The following ARHGAP6 variants were observed in gnomAD, a reference collection of about 807,000 sequenced individuals.
The protein encoded by ARHGAP6 is Rho GTPase activating protein 6.
A neutral mutation model predicts 55.7 loss-of-function variants in ARHGAP6; 16 were observed. The ratio of observed to expected loss-of-function variants is 0.29; its 90% confidence interval spans 0.19 to 0.44. The LOEUF is 0.44. Ranked by LOEUF, ARHGAP6 falls within the 20% of genes least tolerant of loss-of-function variation. The pLI is 1.00. For synonymous variants in ARHGAP6, 382 were observed against 360.9 expected (o/e 1.06, Z -0.66); for missense variants, 698 against 808.9 (o/e 0.86, Z 1.66).
intron 1 of ARHGAP6, among the ~76,000 whole-genome samples, chrX:11,492,181 G>T (rs933401394): frequency 4.8e-4 from 52 of 108,090 alleles, no homozygotes; most frequent in Non-Finnish European, 8.8e-4. Flanking sequence ...TCTGATGGTA[G>T]TTTCTTTTGC....
chrX:11,522,201 C>G (rs770825462), intron 1 of ARHGAP6, among the ~76,000 whole-genome samples: 2 of 111,254 alleles, frequency 1.8e-5, no homozygotes, highest in Non-Finnish European at 3.8e-5. Flanking sequence ...AACAAAGACA[C>G]AACATAGCGG....
chrX:11,575,825 T>C (rs889816937), intron 1 of ARHGAP6, among the ~76,000 whole-genome samples: 44 of 112,107 alleles, frequency 3.9e-4, no homozygotes, highest in African/African-American at 1.3e-3. Flanking sequence ...GAGAAAGAGC[T>C]TGGGACATTA....
intron 1 of ARHGAP6, among the ~76,000 whole-genome samples, chrX:11,400,501 C>T (rs1025982155): frequency 1.9e-5 from 2 of 107,154 alleles, no homozygotes; most frequent in Non-Finnish European, 3.9e-5. Flanking sequence ...CGTGCCCCCC[C>T]GCACCCCGTC....
chrX:11,138,998 G>A lies in ARHGAP6; in HGVS notation c.2790C>T (p.Asn930=), dbSNP rs928122933. 6 of 1,206,533 alleles carry A rather than the reference G, an allele frequency of 5.0e-6. No individual in the cohort carries two copies. Among genetic ancestry groups the A allele is most frequent in the Non-Finnish European group, 6.7e-6 (6 of 894,034 alleles). ...TGTCCTGCTCGCCCGCTGGCAGGGA[G>A]TTGGCGCTGCTCAGTTTTTTCTGCG... ...QVTQKKLSSA[N]SLPAGEQDSP... Residue 930 remains asparagine, a synonymous_variant, in exon 13 of 13, where the codon AAC becomes AAT. Coordinates refer to ENST00000337414, the MANE Select transcript of ARHGAP6 (RefSeq NM_013427.3).
At chrX:11,341,022 G>A (rs2048698974) in intron 1 of ARHGAP6, among the ~76,000 whole-genome samples, 1 of 98,074 alleles carries the variant, frequency 1.0e-5, no homozygotes, top group Non-Finnish European at 2.0e-5. Flanking sequence ...GTGAAAAGAG[G>A]GGTTGACTAC....
chrX:11,396,388 C>G (rs934153383), intron 1 of ARHGAP6, among the ~76,000 whole-genome samples: 7 of 111,077 alleles, frequency 6.3e-5, no homozygotes, highest in African/African-American at 2.3e-4. Context: ...CTTCTTACAC[C>G]CAGAAGCATC....
intron 1 of ARHGAP6, among the ~76,000 whole-genome samples, chrX:11,548,937 T>C (rs1273763107): frequency 8.9e-6 from 1 of 112,309 alleles, no homozygotes; most frequent in Non-Finnish European, 1.9e-5. Context: ...TGTGTATATG[T>C]ACTATATATG....
chrX:11,208,018 T>C (rs1314647141), intron 2 of ARHGAP6, among the ~76,000 whole-genome samples: 1 of 112,012 alleles, frequency 8.9e-6, no homozygotes, highest in East Asian at 2.8e-4. Context: ...AAAGGGGCTT[T>C]GATTTCCAAT....
At chrX:11,621,294 C>T (rs1028942604) in intron 1 of ARHGAP6, among the ~76,000 whole-genome samples, 1 of 111,553 alleles carries the variant, frequency 9.0e-6, no homozygotes, top group Non-Finnish European at 1.9e-5. Context: ...ATATCAATAT[C>T]CAGAATATGA....
chrX:11,252,664 G>T (rs1004587124), intron 2 of ARHGAP6, among the ~76,000 whole-genome samples: 12 of 112,589 alleles, frequency 1.1e-4, no homozygotes, highest in Non-Finnish European at 1.9e-5. Context: ...TGTGGTTGTG[G>T]TAGTGAACAA....
At chrX:11,516,885 CTG>C (rs1286261295) in intron 1 of ARHGAP6, among the ~76,000 whole-genome samples, 2 of 111,762 alleles carry the variant, frequency 1.8e-5, no homozygotes, top group African/African-American at 3.3e-5. Context: ...TCCTCCAAAA[CTG>C]TAAATGTAGG....
chrX:11,306,978 A>G (rs767905326), intron 1 of ARHGAP6, among the ~76,000 whole-genome samples: 29 of 111,882 alleles, frequency 2.6e-4, no homozygotes, highest in African/African-American at 9.4e-4. Flanking sequence ...CAACATTGCC[A>G]TGGCAACCAG....
chrX:11,634,076 A>ATTT (rs35973352), intron 1 of ARHGAP6, among the ~76,000 whole-genome samples: 4 of 90,785 alleles, frequency 4.4e-5, no homozygotes, highest in African/African-American at 1.6e-4. Flanking sequence ...GTGCTTGGCT[A>ATTT]TTTTTTTTTT....
chrX:11,186,707 ATATAAT>A (rs904855245), intron 4 of ARHGAP6, among the ~76,000 whole-genome samples: 2 of 112,376 alleles, frequency 1.8e-5, no homozygotes, highest in African/African-American at 6.5e-5. Context: ...GATGGGAAAC[ATATAAT>A]TAAAGTATTT....
intron 1 of ARHGAP6, among the ~76,000 whole-genome samples, chrX:11,519,087 A>G (rs986601228): frequency 2.1e-5 from 2 of 95,220 alleles, no homozygotes; most frequent in Non-Finnish European, 4.1e-5. Context: ...TAATGCCGCA[A>G]TAAACATACA....
chrX:11,142,338 T>C (rs1262785494), intron 11 of ARHGAP6, 25 bp from the exon 12 acceptor site: 1 of 1,061,761 alleles, frequency 9.4e-7, no homozygotes, highest in African/African-American at 1.9e-5. Flanking sequence ...TATAAAAAGG[T>C]ATATAACACA....
intron 1 of ARHGAP6, among the ~76,000 whole-genome samples, chrX:11,396,363 C>G (rs186019507): frequency 9.0e-6 from 1 of 110,724 alleles, no homozygotes; most frequent in Non-Finnish European, 1.9e-5. Context: ...TTTCCTAAAT[C>G]CCTTTTCAAT....
At chrX:11,253,590 T>C (rs1184572069) in intron 2 of ARHGAP6, among the ~76,000 whole-genome samples, 2 of 112,052 alleles carry the variant, frequency 1.8e-5, no homozygotes, top group African/African-American at 3.2e-5. Flanking sequence ...GTCTGCTACA[T>C]ACTAATACAA....
intron 1 of ARHGAP6, among the ~76,000 whole-genome samples, chrX:11,628,070 G>C (rs142558802): frequency 0.012 from 1,345 of 112,261 alleles, 20 homozygotes; most frequent in African/African-American, 0.041. Flanking sequence ...TTGAGAATAA[G>C]TTGAAACAAA....
Sources: allele counts gnomAD v4.1 joint callset (sites outside exome capture counted in the v4.1 genomes callset), GRCh38; gene constraint gnomAD v4.1.1; transcripts MANE v1.5; gene names NCBI Gene and HGNC (gene_info 2026-07-23, HGNC 2026-07-21).